The following JAKMIP1 variants were observed in gnomAD, a reference collection of about 807,000 sequenced individuals.
JAKMIP1 encodes the protein janus kinase and microtubule interacting protein 1.
A neutral mutation model predicts 113.0 loss-of-function variants in JAKMIP1; 33 were observed. The observed-to-expected ratio is 0.29, with a 90% CI of 0.22 to 0.39. The LOEUF is 0.39. Ranked by LOEUF, JAKMIP1 falls within the 10% of genes least tolerant of loss-of-function variation. JAKMIP1 has a pLI of 1.00. For synonymous variants in JAKMIP1, 480 were observed against 459.9 expected (o/e 1.04, Z -0.56); for missense variants, 813 against 1,080.5 (o/e 0.75, Z 3.47).
intron 1 of JAKMIP1, among the ~76,000 whole-genome samples, chr4:6,132,432 A>G (rs1297325846): frequency 2.0e-5 from 3 of 152,196 alleles, no homozygotes; most frequent in Admixed American, 2.0e-4. Flanking sequence ...ACTTGAGGTC[A>G]GGAGTTCAAG....
chr4:6,174,612 A>G (rs554522992), intron 1 of JAKMIP1, among the ~76,000 whole-genome samples: 1 of 152,276 alleles, frequency 6.6e-6, no homozygotes, highest in South Asian at 2.1e-4. Flanking sequence ...AGAGGTCGCA[A>G]CACTGCTGCA....
rs142464221 is a variant in JAKMIP1, at chr4:6,112,746, G to T, written c.105C>A (p.Ile35=). 2.7e-4 allele frequency: 432 copies of T among 1,613,902 alleles called. 1 individual carries two copies. In the African/African-American group the frequency reaches 4.6e-3, roughly 17 times the overall value. Residue 35 remains isoleucine, a synonymous_variant, in exon 2 of 21, where the codon ATC becomes ATA. Coordinates refer to ENST00000409021, the MANE Select transcript of JAKMIP1 (RefSeq NM_001099433.2). ...ELRAKLTSIQ[I]EFQQEKSKVG... ...CCTTGCTTTTTTCCTGCTGGAACTC[G>T]ATCTGAATGCTGGTCAGCTTGGCCC...
intron 8 of JAKMIP1, among the ~76,000 whole-genome samples, chr4:6,071,575 G>A (rs1295111592): frequency 6.6e-6 from 1 of 152,210 alleles, no homozygotes; most frequent in African/African-American, 2.4e-5. Context: ...ATAGGTAATG[G>A]CACCTGTCCC....
chr4:6,197,997 C>T lies in JAKMIP1; in HGVS notation c.-148+2256G>A, dbSNP rs1446625105. On this transcript the variant is annotated intron_variant, in intron 1 of 20. Coordinates refer to ENST00000409021, the MANE Select transcript of JAKMIP1 (RefSeq NM_001099433.2). This position sits in a 1 kb window ranked among gnomAD's most constrained non-coding sequence, Gnocchi z 6.5. Reference sequence around the variant, plus strand: ...CCGCCTGTCCCCATCTCTCCCTGCACATGACTCTCTGACAGCACGGGCAGT... The same window carrying T: ...CCGCCTGTCCCCATCTCTCCCTGCATATGACTCTCTGACAGCACGGGCAGT... Among the ~76,000 whole-genome samples, 1 of 152,214 alleles carries T rather than the reference C, an allele frequency of 6.6e-6. No homozygotes were observed. The highest frequency in any genetic ancestry group is 1.5e-5 in the Non-Finnish European group (1 of 68,040).
chr4:6,133,570 T>C (rs532081081), intron 1 of JAKMIP1, among the ~76,000 whole-genome samples: 6 of 152,314 alleles, frequency 3.9e-5, no homozygotes, highest in Admixed American at 3.3e-4. Context: ...TTTCTAGCCA[T>C]GATGTTAATG....
At position 6,197,715 on chromosome 4, in the gene JAKMIP1, G is replaced by A. The variant is rs879609173; in HGVS notation, c.-148+2538C>T. On this transcript the variant is annotated intron_variant, in intron 1 of 20. Transcript: ENST00000409021. This position sits in a 1 kb window ranked among gnomAD's most constrained non-coding sequence, Gnocchi z 6.5. ...ATTTAGTTAGAAAGCCCAGCAGGGAGGCACTTGCCCAGTCACAGCTAAGTG... is the reference window on the plus strand; with the variant it reads ...ATTTAGTTAGAAAGCCCAGCAGGGAAGCACTTGCCCAGTCACAGCTAAGTG... Among the ~76,000 whole-genome samples, 4 of 152,228 alleles carry A rather than the reference G, an allele frequency of 2.6e-5. No homozygotes were observed. The highest frequency in any genetic ancestry group is 4.4e-5 in the Non-Finnish European group (3 of 68,046).
Position 6,193,103 on chromosome 4 carries a change from C to A in JAKMIP1, c.-148+7150G>T, listed in dbSNP as rs948886134. On this transcript the variant is annotated intron_variant, in intron 1 of 20. Transcript: ENST00000409021. The surrounding 1 kb of genome is among the most constrained non-coding windows in gnomAD (Gnocchi z 6.4). ...AGGAGAAGATGGAAGAGCAAACTTG[C>A]TGAGTCTTCTGGCCCCATCTTTCTC... 1.1e-4 allele frequency among the ~76,000 whole-genome samples: 16 copies of A among 152,160 alleles called. No homozygotes were observed. The highest frequency in any genetic ancestry group is 3.9e-4 in the African/African-American group (16 of 41,434).
chr4:6,107,598 A>G (rs1056856143), intron 2 of JAKMIP1, among the ~76,000 whole-genome samples: 1 of 152,088 alleles, frequency 6.6e-6, no homozygotes, highest in East Asian at 1.9e-4. Flanking sequence ...GGAAGAAGGA[A>G]CTCTGCCTCC....
chr4:6,128,761 C>A (rs1233949935), intron 1 of JAKMIP1, among the ~76,000 whole-genome samples: 4 of 152,186 alleles, frequency 2.6e-5, no homozygotes, highest in Non-Finnish European at 5.9e-5. Flanking sequence ...AGCTGGCTGA[C>A]CTCACAGGCC....
chr4:6,188,082 AT>A lies in JAKMIP1; in HGVS notation c.-148+12170del, dbSNP rs200890950. ...TAAATGGCTAATTTTCAAATCTGTC[AT>A]TTTTTTTTCTTTTTGGTTCCAGTAA... On this transcript the variant is annotated intron_variant, in intron 1 of 20. Coordinates refer to ENST00000409021, the MANE Select transcript of JAKMIP1 (RefSeq NM_001099433.2). The surrounding 1 kb of genome is among the most constrained non-coding windows in gnomAD (Gnocchi z 5.8). 2.0e-5 allele frequency among the ~76,000 whole-genome samples: 3 copies of A among 151,474 alleles called. No individual in the cohort carries two copies. The highest frequency in any genetic ancestry group is 3.9e-4 in the East Asian group (2 of 5,150).
Position 6,180,334 on chromosome 4 carries a change from T to A in JAKMIP1, c.-148+19919A>T, listed in dbSNP as rs936371193. On this transcript the variant is annotated intron_variant, in intron 1 of 20. Transcript: ENST00000409021. This position sits in a 1 kb window ranked among gnomAD's most constrained non-coding sequence, Gnocchi z 4.5. ...TTTATCAACATTCAAGAGAACATAA[T>A]GAAGCTTCCTTTAGAACATTCTGTG... Among the ~76,000 whole-genome samples, 1 of 152,222 alleles carries A rather than the reference T, an allele frequency of 6.6e-6. No individual in the cohort carries two copies. The highest frequency in any genetic ancestry group is 2.4e-5 in the African/African-American group (1 of 41,460).
At chr4:6,092,432 C>A (rs1034671318) in intron 3 of JAKMIP1, among the ~76,000 whole-genome samples, 1 of 152,224 alleles carries the variant, frequency 6.6e-6, no homozygotes, top group African/African-American at 2.4e-5. Context: ...CACCTGCAGC[C>A]GCAGGCTCCC....
chr4:6,070,032 G>C (rs1008337409), intron 8 of JAKMIP1: 2 of 398,450 alleles, frequency 5.0e-6, no homozygotes, highest in Non-Finnish European at 8.8e-6. Flanking sequence ...ACCTCAAAAC[G>C]CAAAACCCCG....
rs888039713 is a variant in JAKMIP1 at position 6,081,511 on chromosome 4, G to A, written c.1101+98C>T. 3.6e-6 allele frequency: 5 copies of A among 1,379,178 alleles called. No individual in the cohort carries two copies. The highest frequency in any genetic ancestry group is 1.9e-5 in the Admixed American group (1 of 53,426). The allele number at this position is 1,379,178 out of a possible 1,614,324, so 85.4% of individuals were successfully genotyped here. A position where few individuals can be genotyped will look rare whatever the true frequency, so the allele number is the denominator to read the frequency against. ...GTGCTTTGTGGGGAGGTGGGCAGCA[G>A]GTGCGCCCCAGAACATGTGAATCGG... On this transcript the variant is annotated intron_variant, in intron 6 of 20. Transcript: ENST00000409021. The surrounding 1 kb of genome is among the most constrained non-coding windows in gnomAD (Gnocchi z 4.6).
chr4:6,197,221 G>A lies in JAKMIP1; in HGVS notation c.-148+3032C>T, dbSNP rs1376873160. Among the ~76,000 whole-genome samples, 2 of 152,136 alleles carry A rather than the reference G, an allele frequency of 1.3e-5. No individual in the cohort carries two copies. The highest frequency in any genetic ancestry group is 2.4e-5 in the African/African-American group (1 of 41,426). On this transcript the variant is annotated intron_variant, in intron 1 of 20. Coordinates refer to ENST00000409021, the MANE Select transcript of JAKMIP1 (RefSeq NM_001099433.2). This position sits in a 1 kb window ranked among gnomAD's most constrained non-coding sequence, Gnocchi z 6.5. ...CAACGTCACACTGTCAGTAGGGTGGGAGCTGGTCCTCAACACAGTTCCACT... is the reference window on the plus strand; with the variant it reads ...CAACGTCACACTGTCAGTAGGGTGGAAGCTGGTCCTCAACACAGTTCCACT...
chr4:6,118,795 C>T (rs564643070), intron 1 of JAKMIP1, among the ~76,000 whole-genome samples: 87 of 152,286 alleles, frequency 5.7e-4, no homozygotes, highest in Admixed American at 1.6e-3. Context: ...AGGGCTGAGG[C>T]GGGCTGAATC....
chr4:6,044,528 A>G lies in JAKMIP1; in HGVS notation c.2029-2301T>C, dbSNP rs535277209. On this transcript the variant is annotated intron_variant, in intron 16 of 20. Coordinates refer to ENST00000409021, the MANE Select transcript of JAKMIP1 (RefSeq NM_001099433.2). This position sits in a 1 kb window ranked among gnomAD's most constrained non-coding sequence, Gnocchi z 4.4. ...CACTTCCTCAAACAAGGCTCAGACA[A>G]GATGCGTGGTTTCTTAGAAACAGAT... is the stretch of plus-strand genomic sequence containing the variant. Among the ~76,000 whole-genome samples the G allele has an allele frequency of 2.2e-4, 33 of 152,308 alleles. No individual in the cohort carries two copies. The highest frequency in any genetic ancestry group is 7.0e-4 in the African/African-American group (29 of 41,576).
chr4:6,046,581 C>T lies in JAKMIP1; in HGVS notation c.2028+2276G>A, dbSNP rs377665534. ...AGGTTGGTGGTCAGGGGCAGGCGGG[C>T]GGCAGTGGGGGTGGGCAGGGTGCAA... is the stretch of plus-strand genomic sequence containing the variant. On this transcript the variant is annotated intron_variant, in intron 16 of 20. Coordinates refer to ENST00000409021, the MANE Select transcript of JAKMIP1 (RefSeq NM_001099433.2). Among the ~76,000 whole-genome samples the T allele has an allele frequency of 3.2e-3, 410 of 128,756 alleles. 2 individuals are homozygous for T. Among genetic ancestry groups the T allele is most frequent in the African/African-American group, 0.011 (393 of 34,530 alleles). 84.5% of individuals were successfully genotyped at this position (128,756 alleles called of 152,430 possible).
chr4:6,128,969 G>A (rs1255764838), intron 1 of JAKMIP1, among the ~76,000 whole-genome samples: 1 of 152,174 alleles, frequency 6.6e-6, no homozygotes, highest in African/African-American at 2.4e-5. Flanking sequence ...CGTCTCACCC[G>A]GGCGTCGGGT....
Sources: gnomAD v4.1 joint callset for allele counts (sites outside exome capture counted in the v4.1 genomes callset) on GRCh38, gnomAD v4.1.1 for gene constraint, Gnocchi (gnomAD v3.1) non-coding constraint, MANE v1.5 for transcripts, NCBI Gene and HGNC (gene_info 2026-07-23, HGNC 2026-07-21) for gene names.